Variants in LINGO2 observed in about 807,000 individuals in gnomAD.
LINGO2 encodes the protein leucine rich repeat and Ig domain containing 2, also known as leucine-rich repeat and immunoglobulin-like domain-containing nogo receptor-interacting protein 2.
LINGO2 carries 14 observed loss-of-function variants against 30.6 expected under a neutral mutation model. The ratio of observed to expected loss-of-function variants is 0.46; its 90% CI spans 0.30 to 0.72. The LOEUF is 0.72. LINGO2 is among the 30% of genes least tolerant of loss of function. The probability of loss-of-function intolerance (pLI) is 0.07; values close to 1 mark genes in which losing one functional copy is unlikely to be tolerated. For synonymous variants in LINGO2, 317 were observed against 288.5 expected (o/e 1.10, Z -1.00); for missense variants, 729 against 751.7 (o/e 0.97, Z 0.35).
chr9:28,204,858 G>A (rs531894340), intron 4 of LINGO2, among the ~76,000 whole-genome samples: 35 of 152,080 alleles, frequency 2.3e-4, no homozygotes, highest in African/African-American at 1.2e-4. Context: ...AGATTGAGTC[G>A]GTTTATTTTA....
chr9:29,043,184 C>T, the LINGO2 span, among the ~76,000 whole-genome samples: 2 of 151,898 alleles, frequency 1.3e-5, no homozygotes, highest in Non-Finnish European at 2.9e-5. Context: ...ACTATTTCAC[C>T]TACCACTGCC....
the LINGO2 span, among the ~76,000 whole-genome samples, chr9:29,146,009 C>A: frequency 6.6e-6 from 1 of 152,012 alleles, no homozygotes; most frequent in Non-Finnish European, 1.5e-5. Flanking sequence ...CATGCACACA[C>A]ATATACATTG....
At chr9:28,722,691 T>C in the LINGO2 span, among the ~76,000 whole-genome samples, 1 of 152,092 alleles carries the variant, frequency 6.6e-6, no homozygotes, top group Non-Finnish European at 1.5e-5. Context: ...CTTTTGAAGG[T>C]CACTGATATC....
At chr9:28,928,176 C>T in the LINGO2 span, among the ~76,000 whole-genome samples, 112,665 of 152,132 alleles carry the variant, frequency 0.74, 41,868 homozygotes, top group Non-Finnish European at 0.78. Context: ...AAAAAGTATT[C>T]TGTTGCCTTA....
At chr9:28,580,228 A>G (rs919764141) in intron 1 of LINGO2, among the ~76,000 whole-genome samples, 4 of 152,002 alleles carry the variant, frequency 2.6e-5, no homozygotes, top group Admixed American at 2.6e-4. Context: ...TCCTTCAAAC[A>G]TTAGGACAGC....
At chr9:28,783,117 AT>A in the LINGO2 span, among the ~76,000 whole-genome samples, 2 of 152,230 alleles carry the variant, frequency 1.3e-5, no homozygotes, top group African/African-American at 4.8e-5. Context: ...ACTGCATTAT[AT>A]TTTATGAAGA....
chr9:28,095,396 A>C (rs905876508), intron 4 of LINGO2, among the ~76,000 whole-genome samples: 1 of 152,146 alleles, frequency 6.6e-6, no homozygotes, highest in Admixed American at 6.6e-5. Context: ...GAGCCTCAGA[A>C]ATAACGCCGC....
chr9:28,809,326 A>G, the LINGO2 span, among the ~76,000 whole-genome samples: 2 of 152,176 alleles, frequency 1.3e-5, no homozygotes, highest in African/African-American at 4.8e-5. Flanking sequence ...TATTTCTACA[A>G]ATCATGTCTC....
chr9:28,682,043 TAGTA>T, the LINGO2 span, among the ~76,000 whole-genome samples: 1 of 152,116 alleles, frequency 6.6e-6, no homozygotes, highest in Admixed American at 6.5e-5. Flanking sequence ...AGATCCTACA[TAGTA>T]AGTGTTTTCT....
At chr9:28,226,659 GA>G (rs1168354034) in intron 4 of LINGO2, among the ~76,000 whole-genome samples, 3 of 78,428 alleles carry the variant, frequency 3.8e-5, no homozygotes, top group African/African-American at 1.4e-4. Context: ...AAGAAAGAAA[GA>G]AAGAAAGAAA....
chr9:28,760,934 A>G, the LINGO2 span, among the ~76,000 whole-genome samples: 3 of 133,498 alleles, frequency 2.2e-5, no homozygotes, highest in African/African-American at 8.5e-5. Flanking sequence ...GTGTGTGTGT[A>G]TATATATATA....
rs373402761 is a variant in LINGO2 at position 28,204,870 on chromosome 9, T to C, written c.-87+90338A>G. On this transcript the variant is annotated intron_variant, in intron 4 of 5. Coordinates refer to ENST00000379992, the Ensembl canonical transcript of LINGO2. ...AACAGATTGAGTCGGTTTATTTTAATAAAGGGGATGTTTTTTTCCTGGGTT... is the reference window on the plus strand; with the variant it reads ...AACAGATTGAGTCGGTTTATTTTAACAAAGGGGATGTTTTTTTCCTGGGTT... Among the ~76,000 whole-genome samples the C allele has an allele frequency of 7.2e-5, 11 of 152,128 alleles. No individual in the cohort carries two copies. In the East Asian group the frequency reaches 1.9e-3, roughly 27 times the overall value.
the LINGO2 span, among the ~76,000 whole-genome samples, chr9:28,832,449 T>TC: frequency 1.9e-4 from 29 of 152,304 alleles, no homozygotes; most frequent in African/African-American, 6.3e-4. Flanking sequence ...GTTCCGTAAC[T>TC]CTGGAGCTGA....
chr9:28,762,941 T>TA, the LINGO2 span, among the ~76,000 whole-genome samples: 1 of 152,030 alleles, frequency 6.6e-6, no homozygotes, highest in Non-Finnish European at 1.5e-5. Flanking sequence ...AAGCTGAGTT[T>TA]AATTCCAAAT....
chr9:27,961,432 T>C (rs1485194173), intron 5 of LINGO2, among the ~76,000 whole-genome samples: 2 of 152,132 alleles, frequency 1.3e-5, no homozygotes, highest in African/African-American at 2.4e-5. Flanking sequence ...GCGAATAGTG[T>C]TTGCAAAGGC....
the LINGO2 span, among the ~76,000 whole-genome samples, chr9:29,066,438 G>A: frequency 6.6e-6 from 1 of 151,942 alleles, no homozygotes; most frequent in Non-Finnish European, 1.5e-5. Context: ...TATGCCAAGT[G>A]GGTTATATAA....
At chr9:28,560,731 A>G (rs996212652) in intron 1 of LINGO2, among the ~76,000 whole-genome samples, 27 of 151,794 alleles carry the variant, frequency 1.8e-4, no homozygotes, top group Non-Finnish European at 3.7e-4. Context: ...CATTGGTGCA[A>G]TCTTGGCTCA....
chr9:28,636,763 C>T (rs761189302), intron 1 of LINGO2, among the ~76,000 whole-genome samples: 19 of 152,038 alleles, frequency 1.2e-4, no homozygotes, highest in Non-Finnish European at 2.2e-4. Flanking sequence ...TTCTCCCATT[C>T]TGTAGGTTGC....
chr9:28,757,559 GAA>G, the LINGO2 span, among the ~76,000 whole-genome samples: 2 of 89,624 alleles, frequency 2.2e-5, 1 homozygote, highest in African/African-American at 1.2e-4. Context: ...AGGATATAAA[GAA>G]ATATATATAG....
Sources: gnomAD v4.1 joint callset for allele counts (sites outside exome capture counted in the v4.1 genomes callset) on GRCh38, gnomAD v4.1.1 for gene constraint, MANE v1.5 for transcripts, NCBI Gene and HGNC (gene_info 2026-07-23, HGNC 2026-07-21) for gene names.